POFUT1: variants seen among roughly 807,000 people sequenced by gnomAD.
POFUT1 encodes the protein protein O-fucosyltransferase 1.
Under a neutral mutation model 42.4 loss-of-function variants are expected in POFUT1, and 16 were observed. The observed-to-expected ratio is 0.38, with a 90% CI of 0.26 to 0.57. The LOEUF is 0.57. Among genes scored for constraint, POFUT1 ranks in the 20% least tolerant of loss-of-function variants. The pLI is 0.71. For missense variants in POFUT1, 470 were observed against 504.6 expected (o/e 0.93, Z 0.66); for synonymous variants, 206 against 205.4 (o/e 1.00, Z -0.03).
At chr20:32,233,367 A>G (rs1490336094) in intron 6 of POFUT1, among the ~76,000 whole-genome samples, 1 of 152,166 alleles carries the variant, frequency 6.6e-6, no homozygotes, top group African/African-American at 2.4e-5. Flanking sequence ...GTACACCCCA[A>G]ACAGCACAGC....
chr20:32,225,575 A>G (rs758139220), intron 4 of POFUT1, among the ~76,000 whole-genome samples: 11 of 152,110 alleles, frequency 7.2e-5, no homozygotes, highest in Non-Finnish European at 4.4e-5. Context: ...TGCAGCCTCA[A>G]CCTTCCAGGC....
intron 5 of POFUT1, among the ~76,000 whole-genome samples, chr20:32,229,953 T>C (rs1044794426): frequency 6.6e-6 from 1 of 152,162 alleles, no homozygotes; most frequent in Non-Finnish European, 1.5e-5. Flanking sequence ...AATTTTTGTA[T>C]TTTTTGTAGA....
rs533976527 is a variant in POFUT1, at chr20:32,234,821, C to T, written c.*160C>T. 100 of 609,374 alleles carry T rather than the reference C, an allele frequency of 1.6e-4. No homozygotes were observed. The highest frequency in any genetic ancestry group is 1.6e-3 in the African/African-American group (88 of 53,960). The allele number at this position is 609,374 out of a possible 1,614,324, so 37.7% of individuals were successfully genotyped here. On this transcript the variant is annotated 3_prime_UTR_variant, in exon 7 of 7. Transcript: ENST00000375749. ...GCCAGGGACCCCTCAAGGAGGGAGA[C>T]GCTCCATATCCCAGGGCATAGGACT...
Position 32,208,036 on chromosome 20 carries a change from C to T in POFUT1, c.95C>T (p.Ala32Val). Reference protein sequence around the residue: ...PGMPAGSWDPAGYLLYCPCMG... With the variant: ...PGMPAGSWDPVGYLLYCPCMG... ...ATGCCTGCGGGCTCCTGGGACCCGG[C>T]CGGTTACCTGCTCTACTGCCCCTGC... The change falls in exon 1 of 7, where the codon GCC becomes GTC. Residue 32 changes from alanine (A) to valine (V), a missense_variant. Physicochemically the swap from Ala to Val is moderately conservative, Grantham distance 64. Coordinates refer to ENST00000375749, the MANE Select transcript of POFUT1 (RefSeq NM_015352.2). The T allele has an allele frequency of 1.3e-6, 2 of 1,570,562 alleles. No homozygotes were observed. The highest frequency in any genetic ancestry group is 8.6e-7 in the Non-Finnish European group (1 of 1,162,076).
chr20:32,215,802 C>T (rs996135567), intron 3 of POFUT1, among the ~76,000 whole-genome samples: 21 of 152,188 alleles, frequency 1.4e-4, no homozygotes, highest in African/African-American at 3.9e-4. Context: ...TCAGGTACCA[C>T]GCTAAGAGCT....
At position 32,228,628 on chromosome 20, in the gene POFUT1, A is replaced by G. The variant is rs7273131; in HGVS notation, c.735+173A>G. 0.058 allele frequency among the ~76,000 whole-genome samples: 8,841 copies of G among 152,274 alleles called. 916 individuals carry two copies. Among genetic ancestry groups the G allele is most frequent in the African/African-American group, 0.2 (8,373 of 41,536 alleles). On this transcript the variant is annotated intron_variant, in intron 5 of 6. Transcript: ENST00000375749. The stretch of plus-strand genomic sequence containing the variant: ...AGCACATATCAAAATGTAACTCCAG[A>G]GTGCCTGCCAGCCAGGTCTCACTTT...
intron 2 of POFUT1, among the ~76,000 whole-genome samples, chr20:32,211,376 C>T (rs900752074): frequency 4.6e-5 from 7 of 151,734 alleles, no homozygotes; most frequent in African/African-American, 7.3e-5. Flanking sequence ...CGGGTTCAAG[C>T]GATTCTCCTG....
chr20:32,216,883 C>T, intron 4 of POFUT1, 162 bp downstream of exon 4: 1 of 1,518,552 alleles, frequency 6.6e-7, no homozygotes, highest in Non-Finnish European at 8.9e-7. Flanking sequence ...GATCTGTTCC[C>T]ATGTCCACGC....
intron 4 of POFUT1, chr20:32,217,827 C>T: frequency 1.2e-6 from 1 of 822,004 alleles, no homozygotes; most frequent in Non-Finnish European, 1.5e-6. Context: ...AAACTGAGCC[C>T]AGTGAAGTTA....
At chr20:32,233,161 G>T (rs1384080054) in intron 6 of POFUT1, among the ~76,000 whole-genome samples, 1 of 152,224 alleles carries the variant, frequency 6.6e-6, no homozygotes, top group Non-Finnish European at 1.5e-5. Context: ...GGCAGGAGAT[G>T]ATGCTAATCA....
intron 2 of POFUT1, among the ~76,000 whole-genome samples, chr20:32,214,568 G>T (rs2047348740): frequency 6.6e-6 from 1 of 152,238 alleles, no homozygotes; most frequent in Admixed American, 6.5e-5. Context: ...CTAGTCTCAT[G>T]AGTGAGAAGT....
At chr20:32,211,103 G>A (rs777663431) in intron 2 of POFUT1, among the ~76,000 whole-genome samples, 1 of 152,070 alleles carries the variant, frequency 6.6e-6, no homozygotes, top group Non-Finnish European at 1.5e-5. Flanking sequence ...AAATAAGCTG[G>A]TAATGATTCT....
chr20:32,231,159 A>G, intron 6 of POFUT1, 98 bp downstream of exon 6: 1 of 1,389,990 alleles, frequency 7.2e-7, no homozygotes, highest in Non-Finnish European at 1.0e-6. Context: ...CTCCCCTACA[A>G]GCCTTTTGCC....
chr20:32,225,661 G>T (rs2122591824), intron 4 of POFUT1, among the ~76,000 whole-genome samples: 1 of 152,018 alleles, frequency 6.6e-6, no homozygotes, highest in Admixed American at 6.6e-5. Flanking sequence ...CTAATTTTTT[G>T]ATATTTTTGG....
chr20:32,222,124 C>A (rs566214431), intron 4 of POFUT1, among the ~76,000 whole-genome samples: 1 of 151,962 alleles, frequency 6.6e-6, no homozygotes, highest in South Asian at 2.1e-4. Context: ...ATGGTGAAAC[C>A]CTGTCTCTAC....
intron 1 of POFUT1, 121 bp downstream of exon 1, chr20:32,208,186 G>A (rs2047304103): frequency 9.8e-7 from 1 of 1,021,738 alleles, no homozygotes; most frequent in Non-Finnish European, 1.4e-6. Flanking sequence ...GAGCGGGACG[G>A]GGCATGCTCT....
chr20:32,210,592 A>G (rs1482409569), intron 2 of POFUT1, among the ~76,000 whole-genome samples: 1 of 152,172 alleles, frequency 6.6e-6, no homozygotes, highest in Non-Finnish European at 1.5e-5. Context: ...CCATTGGCCA[A>G]GGGTGGCAGA....
intron 2 of POFUT1, among the ~76,000 whole-genome samples, chr20:32,212,209 G>A (rs371602099): frequency 1.3e-5 from 2 of 151,956 alleles, no homozygotes; most frequent in Non-Finnish European, 2.9e-5. Context: ...ACTCTTCTCC[G>A]TGTACCTCCC....
chr20:32,215,722 A>G (rs1431057805), intron 3 of POFUT1, among the ~76,000 whole-genome samples: 4 of 152,232 alleles, frequency 2.6e-5, no homozygotes, highest in African/African-American at 4.8e-5. Flanking sequence ...CAGGTGAAAA[A>G]GTGCTTGTAA....
Sources: gnomAD v4.1 joint callset for allele counts (sites outside exome capture counted in the v4.1 genomes callset) on GRCh38, gnomAD v4.1.1 for gene constraint, MANE v1.5 for transcripts, NCBI Gene and HGNC (gene_info 2026-07-23, HGNC 2026-07-21) for gene names.